Variants in VIT observed in about 807,000 individuals in gnomAD.
VIT encodes the protein vitrin.
In VIT, 99 loss-of-function variants were observed where a neutral mutation model predicts 78.0. The observed-to-expected ratio is 1.27, with a 90% confidence interval of 1.08 to 1.50. The LOEUF (loss-of-function observed/expected upper bound fraction) is 1.50, where lower values mean the gene tolerates loss of function less well. Ranked by LOEUF, VIT falls within the 40% of genes most tolerant of loss-of-function variation. The pLI is 0.00. For missense variants in VIT, 1,126 were observed against 875.3 expected, an observed-to-expected ratio of 1.29 and a Z score of -3.61; for synonymous variants, 374 against 334.3, an observed-to-expected ratio of 1.12 and a Z score of -1.29.
chr2:36,747,231 C>A (rs946533715), intron 4 of VIT, among the ~76,000 whole-genome samples: 8 of 152,072 alleles, frequency 5.3e-5, no homozygotes, highest in Non-Finnish European at 8.8e-5. Context: ...TGTGGTCAAT[C>A]ATAGAGTATG....
chr2:36,766,199 C>G (rs1669418625), intron 6 of VIT, among the ~76,000 whole-genome samples: 1 of 152,188 alleles, frequency 6.6e-6, no homozygotes, highest in South Asian at 2.1e-4. Context: ...GAGAAGTGAT[C>G]TAAATCATCA....
At chr2:36,710,004 A>C (rs1417824790) in intron 1 of VIT, among the ~76,000 whole-genome samples, 1 of 152,208 alleles carries the variant, frequency 6.6e-6, no homozygotes, top group African/African-American at 2.4e-5. Context: ...AGCAATGAGC[A>C]AGAGTGAGTT....
chr2:36,740,345 T>C (rs1383879661), intron 3 of VIT, among the ~76,000 whole-genome samples: 1 of 152,082 alleles, frequency 6.6e-6, no homozygotes, highest in African/African-American at 2.4e-5. Context: ...ACTGGGAAAA[T>C]ATTGTAGAGA....
intron 3 of VIT, among the ~76,000 whole-genome samples, chr2:36,739,149 T>G (rs1317971669): frequency 7.2e-6 from 1 of 139,130 alleles, no homozygotes; most frequent in Non-Finnish European, 1.6e-5. Flanking sequence ...CATAAGTGAT[T>G]TTTTTTATGT....
At chr2:36,775,150 C>A in intron 9 of VIT, 83 bp downstream of exon 9, 1 of 1,517,236 alleles carries the variant, frequency 6.6e-7, no homozygotes. Context: ...TCCCCACACA[C>A]TTGTTCTTGG....
chr2:36,808,314 G>T (rs1666878822), intron 14 of VIT, among the ~76,000 whole-genome samples, 158 bp from the exon 15 acceptor site: 1 of 152,354 alleles, frequency 6.6e-6, no homozygotes, highest in Non-Finnish European at 1.5e-5. Flanking sequence ...TCAGTGAGTG[G>T]CCGCTGGGTG....
chr2:36,803,400 C>T (rs1023027226), intron 13 of VIT, among the ~76,000 whole-genome samples: 1 of 152,190 alleles, frequency 6.6e-6, no homozygotes, highest in Non-Finnish European at 1.5e-5. Flanking sequence ...TCAAGACCCA[C>T]TGGAAGGTGG....
intron 1 of VIT, among the ~76,000 whole-genome samples, chr2:36,712,140 G>A (rs948698897): frequency 1.5e-5 from 2 of 130,096 alleles, no homozygotes; most frequent in East Asian, 6.3e-4. Flanking sequence ...ATGGCTGAGA[G>A]AGGGTTTGAT....
chr2:36,753,924 T>C (rs1030290974), intron 4 of VIT, among the ~76,000 whole-genome samples: 20 of 152,312 alleles, frequency 1.3e-4, no homozygotes, highest in Non-Finnish European at 2.2e-4. Context: ...TGCAATTTAC[T>C]AGTTAGAAAA....
chr2:36,726,394 C>T (rs7562902), intron 2 of VIT, among the ~76,000 whole-genome samples: 148,910 of 152,372 alleles, frequency 0.98, 72,856 homozygotes, highest in Middle Eastern at 1. Context: ...AAAGTATTCA[C>T]ATGAATACCT....
chr2:36,788,611 G>A (rs1665268540), intron 12 of VIT, among the ~76,000 whole-genome samples: 2 of 152,006 alleles, frequency 1.3e-5, no homozygotes, highest in South Asian at 2.1e-4. Context: ...GGTTTTAGGG[G>A]GTATTTTCTG....
chr2:36,706,203 G>A (rs1309849428), intron 1 of VIT, among the ~76,000 whole-genome samples: 3 of 152,194 alleles, frequency 2.0e-5, no homozygotes, highest in Non-Finnish European at 2.9e-5. Context: ...CAGGGTTGGC[G>A]TAGCCTCTCT....
rs144016194 is a variant in VIT, at chr2:36,797,230, C to T, written c.1059-4071C>T. Reference sequence around the variant, plus strand: ...AGTGAAGATCACAAAATGACAAATACTGTACACAATTAGACGTCTTGGAAG... The same window carrying T: ...AGTGAAGATCACAAAATGACAAATATTGTACACAATTAGACGTCTTGGAAG... On this transcript the variant is annotated intron_variant, in intron 12 of 15. Coordinates refer to ENST00000379242, the MANE Select transcript of VIT (RefSeq NM_053276.4). 8.4e-4 allele frequency among the ~76,000 whole-genome samples: 127 copies of T among 152,048 alleles called. 2 individuals carry two copies. In the East Asian group the frequency reaches 0.023, roughly 28 times the overall value.
intron 3 of VIT, among the ~76,000 whole-genome samples, chr2:36,739,459 C>G (rs552144072): frequency 1.2e-3 from 183 of 152,284 alleles, no homozygotes; most frequent in African/African-American, 4.1e-3. Flanking sequence ...CAATTTTGTA[C>G]TAAAAATTGA....
rs964723877 is a variant in VIT, at chr2:36,759,540, G to A, written c.487+494G>A. ...TCAGCTTTCATGTGAACCACAAAAG[G>A]GAGTATCGGTAGACCTCAGGCCAAG... On this transcript the variant is annotated intron_variant, in intron 6 of 15. Coordinates refer to ENST00000379242, the MANE Select transcript of VIT (RefSeq NM_053276.4). 10 of 1,092,432 alleles carry A rather than the reference G, an allele frequency of 9.2e-6. 1 individual carries two copies. The African/African-American group carries it at 1.5e-4, about 16-fold the overall frequency. The allele number at this position is 1,092,432 out of a possible 1,614,324, so 67.7% of individuals were successfully genotyped here.
intron 12 of VIT, chr2:36,788,019 T>C (rs967609456): frequency 1.7e-5 from 5 of 302,756 alleles, no homozygotes; most frequent in African/African-American, 1.1e-4. Context: ...CTGAAACAGA[T>C]ACATAGATAT....
chr2:36,766,635 C>A (rs889703828), intron 6 of VIT, among the ~76,000 whole-genome samples: 5 of 152,276 alleles, frequency 3.3e-5, no homozygotes, highest in African/African-American at 9.6e-5. Flanking sequence ...GTTGACTAGT[C>A]ATGAACCAAC....
At chr2:36,760,301 A>G (rs1399149119) in intron 6 of VIT, among the ~76,000 whole-genome samples, 6 of 151,798 alleles carry the variant, frequency 4.0e-5, no homozygotes, top group Non-Finnish European at 7.4e-5. Context: ...CCCATTCTAG[A>G]TTTTCTTATG....
intron 5 of VIT, among the ~76,000 whole-genome samples, chr2:36,757,212 C>T (rs1349730545): frequency 6.6e-6 from 1 of 152,200 alleles, no homozygotes; most frequent in Non-Finnish European, 1.5e-5. Flanking sequence ...TCTGAAGGCT[C>T]AGGTGCCACC....
Sources: gnomAD v4.1 joint callset for allele counts (sites outside exome capture counted in the v4.1 genomes callset) on GRCh38, gnomAD v4.1.1 for gene constraint, MANE v1.5 for transcripts, NCBI Gene and HGNC (gene_info 2026-07-23, HGNC 2026-07-21) for gene names.